GRID2: variants seen among roughly 807,000 people sequenced by gnomAD.
GRID2 encodes the protein glutamate receptor ionotropic, delta-2.
Under a neutral mutation model 114.8 loss-of-function variants are expected in GRID2, and 33 were observed. That is an observed-to-expected ratio of 0.29 (90% CI 0.22 to 0.38). The LOEUF (loss-of-function observed/expected upper bound fraction) is 0.38, where lower values mean the gene tolerates loss of function less well. Ranked by LOEUF, GRID2 falls within the 10% of genes least tolerant of loss-of-function variation. GRID2 has a pLI of 1.00. For synonymous variants in GRID2, 505 were observed against 449.9 expected (o/e 1.12, Z -1.55); for missense variants, 1,184 against 1,257.7 (o/e 0.94, Z 0.89).
chr4:93,209,085 T>G (rs1038337954), intron 5 of GRID2, among the ~76,000 whole-genome samples: 3 of 152,000 alleles, frequency 2.0e-5, no homozygotes, highest in African/African-American at 7.2e-5. Context: ...TGGTTGGTTT[T>G]GTTTTGTTTT....
At chr4:93,380,595 G>T (rs1409336454) in intron 8 of GRID2, among the ~76,000 whole-genome samples, 1 of 151,686 alleles carries the variant, frequency 6.6e-6, no homozygotes, top group Non-Finnish European at 1.5e-5. Flanking sequence ...GAAACATTTT[G>T]CATTTAAAAA....
intron 2 of GRID2, among the ~76,000 whole-genome samples, chr4:92,630,836 T>C (rs1730769840): frequency 6.6e-6 from 1 of 152,080 alleles, no homozygotes; most frequent in Admixed American, 6.6e-5. Flanking sequence ...CTAAATTAGA[T>C]GGTTTTAAAC....
chr4:92,474,482 A>G (rs1210991069), intron 1 of GRID2, among the ~76,000 whole-genome samples: 2 of 152,150 alleles, frequency 1.3e-5, no homozygotes, highest in Non-Finnish European at 2.9e-5. Flanking sequence ...TGGACATGGG[A>G]GTACAAATAT....
intron 1 of GRID2, among the ~76,000 whole-genome samples, chr4:92,536,056 CAA>C (rs954838740): frequency 1.2e-4 from 18 of 152,280 alleles, no homozygotes; most frequent in African/African-American, 2.9e-4. Flanking sequence ...GGATACATTG[CAA>C]AGAGCAAAAG....
intron 14 of GRID2, among the ~76,000 whole-genome samples, chr4:93,702,094 G>T (rs1383651256): frequency 6.6e-6 from 1 of 151,912 alleles, no homozygotes; most frequent in Non-Finnish European, 1.5e-5. Context: ...CTTTTATTAT[G>T]AAATCGACTC....
At chr4:93,444,607 A>C (rs1188997588) in intron 10 of GRID2, among the ~76,000 whole-genome samples, 1 of 152,036 alleles carries the variant, frequency 6.6e-6, no homozygotes, top group Non-Finnish European at 1.5e-5. Context: ...ACATTCAAAA[A>C]AGTCCTTCAA....
chr4:92,581,195 A>G (rs202165548), intron 1 of GRID2, among the ~76,000 whole-genome samples: 5 of 141,232 alleles, frequency 3.5e-5, no homozygotes, highest in Non-Finnish European at 7.7e-5. Flanking sequence ...CAGTCCCCCC[A>G]CCCTTTTTTT....
intron 1 of GRID2, among the ~76,000 whole-genome samples, chr4:92,568,244 G>C (rs1727430303): frequency 6.6e-6 from 1 of 152,010 alleles, no homozygotes; most frequent in African/African-American, 2.4e-5. Context: ...TGTCAGTGAG[G>C]AAGAGGCGGA....
chr4:92,762,279 A>G (rs1264220040), intron 2 of GRID2, among the ~76,000 whole-genome samples: 1 of 152,052 alleles, frequency 6.6e-6, no homozygotes, highest in Admixed American at 6.5e-5. Flanking sequence ...TTTCTTACTG[A>G]TTAAATATAT....
intron 14 of GRID2, among the ~76,000 whole-genome samples, chr4:93,675,023 G>C (rs1301033806): frequency 6.6e-6 from 1 of 151,974 alleles, no homozygotes; most frequent in Non-Finnish European, 1.5e-5. Context: ...GATAAGTCTT[G>C]ATTATAAGCC....
chr4:92,841,159 A>G (rs952895151), intron 2 of GRID2, among the ~76,000 whole-genome samples: 9 of 152,058 alleles, frequency 5.9e-5, no homozygotes, highest in African/African-American at 2.2e-4. Context: ...TCACCACATA[A>G]TAGAACAAGT....
intron 2 of GRID2, among the ~76,000 whole-genome samples, chr4:92,812,807 A>G (rs1288407685): frequency 1.3e-5 from 2 of 152,162 alleles, no homozygotes; most frequent in East Asian, 1.9e-4. Context: ...ACTCGTTGAC[A>G]GATACTTAAT....
chr4:93,155,328 C>T (rs1737077995), intron 4 of GRID2, among the ~76,000 whole-genome samples: 1 of 151,906 alleles, frequency 6.6e-6, no homozygotes, highest in Non-Finnish European at 1.5e-5. Flanking sequence ...TTCTATTGCT[C>T]TGCACAGAAG....
chr4:92,419,645 A>C (rs1731796517), intron 1 of GRID2, among the ~76,000 whole-genome samples: 1 of 152,038 alleles, frequency 6.6e-6, no homozygotes, highest in Admixed American at 6.6e-5. Flanking sequence ...AAGTTGAGTA[A>C]AAGTTAGAAA....
chr4:92,788,214 G>A (rs1739412176), intron 2 of GRID2, among the ~76,000 whole-genome samples: 2 of 151,680 alleles, frequency 1.3e-5, no homozygotes. Context: ...AGCAAAGGAG[G>A]CTGAAAAGAA....
At chr4:93,485,629 G>T (rs752633164) in intron 11 of GRID2, among the ~76,000 whole-genome samples, 7 of 151,636 alleles carry the variant, frequency 4.6e-5, no homozygotes, top group Non-Finnish European at 8.9e-5. Flanking sequence ...TTAATGAAAA[G>T]ACCTCCCTTT....
intron 11 of GRID2, among the ~76,000 whole-genome samples, chr4:93,478,555 A>G (rs1414454430): frequency 6.6e-5 from 10 of 151,468 alleles, no homozygotes; most frequent in African/African-American, 1.9e-4. Flanking sequence ...ATTAATTTTA[A>G]TAGATTAAAT....
At chr4:92,815,878 G>A (rs1365661609) in intron 2 of GRID2, among the ~76,000 whole-genome samples, 2 of 112,954 alleles carry the variant, frequency 1.8e-5, no homozygotes, top group African/African-American at 6.9e-5. Flanking sequence ...CCGTATCACT[G>A]TACTCCAGCC....
At chr4:93,252,956 T>A (rs1026065901) in intron 8 of GRID2, among the ~76,000 whole-genome samples, 1 of 151,992 alleles carries the variant, frequency 6.6e-6, no homozygotes, top group Admixed American at 6.6e-5. Flanking sequence ...TTACATATAA[T>A]AATAAAACTC....
Sources: allele counts gnomAD v4.1 joint callset (sites outside exome capture counted in the v4.1 genomes callset), GRCh38; gene constraint gnomAD v4.1.1; transcripts MANE v1.5; gene names NCBI Gene and HGNC (gene_info 2026-07-23, HGNC 2026-07-21).